Variants in MAST4 observed in about 807,000 individuals in gnomAD.
The protein encoded by MAST4 is microtubule-associated serine/threonine-protein kinase 4.
MAST4 carries 89 observed loss-of-function variants against 162.7 expected under a neutral mutation model. The ratio of observed to expected loss-of-function variants is 0.55; its 90% CI spans 0.46 to 0.65. The LOEUF (loss-of-function observed/expected upper bound fraction) is 0.65. Among genes scored for constraint, MAST4 ranks in the 30% least tolerant of loss-of-function variants. The probability of loss-of-function intolerance (pLI) is 0.00; values close to 1 mark genes in which losing one functional copy is unlikely to be tolerated. For missense variants in MAST4, 3,153 were observed against 3,374.0 expected (o/e 0.93, Z 1.62); for synonymous variants, 1,479 against 1,361.1 (o/e 1.09, Z -1.91).
intron 4 of MAST4, among the ~76,000 whole-genome samples, chr5:67,007,141 C>T (rs1026846450): frequency 3.3e-5 from 5 of 152,150 alleles, no homozygotes; most frequent in African/African-American, 9.7e-5. Context: ...GCTATTGCAT[C>T]CTGTTATTAT....
At chr5:66,770,060 T>C (rs1754292663) in intron 2 of MAST4, among the ~76,000 whole-genome samples, 1 of 152,256 alleles carries the variant, frequency 6.6e-6, no homozygotes, top group Non-Finnish European at 1.5e-5. Flanking sequence ...TAAAAAATTG[T>C]GTAGTTCATC....
intron 1 of MAST4, among the ~76,000 whole-genome samples, chr5:66,732,335 T>A (rs2149556634): frequency 6.6e-6 from 1 of 152,212 alleles, no homozygotes; most frequent in South Asian, 2.1e-4. Context: ...GCCCCATTCA[T>A]CATTTCTTCT....
At chr5:66,661,459 G>T (rs889705610) in intron 1 of MAST4, among the ~76,000 whole-genome samples, 1 of 152,176 alleles carries the variant, frequency 6.6e-6, no homozygotes, top group Non-Finnish European at 1.5e-5. Context: ...GCTACTCATA[G>T]TTACAAAGGA....
intron 5 of MAST4, among the ~76,000 whole-genome samples, chr5:67,062,269 A>G (rs1228001170): frequency 6.6e-6 from 1 of 152,078 alleles, no homozygotes. Flanking sequence ...GTGGTGGCAC[A>G]TACCTGTAGT....
chr5:66,839,374 A>G (rs975526327), intron 3 of MAST4, among the ~76,000 whole-genome samples: 6 of 152,206 alleles, frequency 3.9e-5, no homozygotes, highest in African/African-American at 9.6e-5. Context: ...GTTACCAACT[A>G]TAATAATTAA....
intron 1 of MAST4, among the ~76,000 whole-genome samples, chr5:66,722,608 G>A (rs908765318): frequency 7.9e-5 from 12 of 152,166 alleles, no homozygotes; most frequent in African/African-American, 2.9e-4. Context: ...AAAGAACAGT[G>A]CCTGGAACAT....
intron 3 of MAST4, among the ~76,000 whole-genome samples, chr5:66,859,224 A>G (rs1356315025): frequency 1.3e-5 from 2 of 152,176 alleles, no homozygotes; most frequent in African/African-American, 4.8e-5. Context: ...TGAGAATTAA[A>G]TACTGCCTCT....
chr5:66,871,675 C>T (rs572384972), intron 3 of MAST4, among the ~76,000 whole-genome samples: 1 of 152,180 alleles, frequency 6.6e-6, no homozygotes, highest in Non-Finnish European at 1.5e-5. Context: ...AGCTTTCTGG[C>T]GTTTTTAAGT....
rs565584231 is a variant in MAST4, at chr5:66,756,660, C to CA, written c.364-3043dup. On this transcript the variant is annotated intron_variant, in intron 1 of 28. Transcript: ENST00000403625. The stretch of plus-strand genomic sequence containing the variant: ...GGGATCATGAGTATTTGACTCAGGA[C>CA]AAAAAATGAAAAATAAATTGCAGGG... Among the ~76,000 whole-genome samples, 168 of 152,120 alleles carry CA rather than the reference C, an allele frequency of 1.1e-3. 1 individual carries two copies. The highest frequency in any genetic ancestry group is 3.9e-3 in the African/African-American group (160 of 41,524).
rs1773077591 is a variant in MAST4 at position 67,160,585 on chromosome 5, C to T, written c.3778C>T (p.Leu1260Phe). The change falls in exon 27 of 29, where the codon CTC (leucine) becomes TTC (phenylalanine). Residue 1260 changes from leucine (L) to phenylalanine (F), a missense_variant. Coordinates refer to ENST00000403625, the MANE Select transcript of MAST4 (RefSeq NM_001164664.2). ...RSKKSKKKES[L>F]ERRRSLFKKL... ...CAAGAAATCCAAGAAGAAAGAAAGT[C>T]TCGAAAGGTTAGTAAAATCAGTATT... The T allele has an allele frequency of 1.2e-6, 2 of 1,613,156 alleles. No homozygotes were observed. Among genetic ancestry groups the T allele is most frequent in the African/African-American group, 2.7e-5 (2 of 74,856 alleles).
At chr5:66,919,917 C>T (rs1390327554) in intron 4 of MAST4, among the ~76,000 whole-genome samples, 1 of 20,922 alleles carries the variant, frequency 4.8e-5, no homozygotes, top group East Asian at 6.7e-4. Flanking sequence ...TCCTTCCTTC[C>T]TTCCTTCCTT....
chr5:67,104,042 G>T (rs1765329410), intron 9 of MAST4, among the ~76,000 whole-genome samples: 1 of 152,128 alleles, frequency 6.6e-6, no homozygotes. Context: ...AACTTTTTAA[G>T]AACAGTTTTA....
intron 1 of MAST4, 80 bp from the exon 2 acceptor site, chr5:66,759,629 A>G: frequency 6.6e-7 from 1 of 1,516,048 alleles, no homozygotes; most frequent in South Asian, 1.3e-5. Flanking sequence ...AGAAAGGAAG[A>G]AAAAGTGTGA....
chr5:66,959,648 A>G (rs543456725), intron 4 of MAST4, among the ~76,000 whole-genome samples: 1 of 152,338 alleles, frequency 6.6e-6, no homozygotes, highest in South Asian at 2.1e-4. Context: ...CTTTTTCTAA[A>G]GAAAGGCCTC....
chr5:66,723,946 C>T (rs1269972877), intron 1 of MAST4, among the ~76,000 whole-genome samples: 1 of 152,086 alleles, frequency 6.6e-6, no homozygotes, highest in Non-Finnish European at 1.5e-5. Context: ...GCTGGACTAC[C>T]TCACTATACC....
chr5:66,802,056 T>C (rs1755948200), intron 3 of MAST4, among the ~76,000 whole-genome samples: 1 of 152,228 alleles, frequency 6.6e-6, no homozygotes, highest in African/African-American at 2.4e-5. Flanking sequence ...TCCTTAGTTT[T>C]GGGCTTTTCA....
At chr5:67,059,033 T>G (rs1759220451) in intron 5 of MAST4, among the ~76,000 whole-genome samples, 1 of 152,096 alleles carries the variant, frequency 6.6e-6, no homozygotes, top group Non-Finnish European at 1.5e-5. Context: ...AAAATCAAGG[T>G]GTTGGTTGAG....
intron 4 of MAST4, among the ~76,000 whole-genome samples, chr5:67,002,677 A>G (rs749485061): frequency 3.3e-5 from 5 of 152,160 alleles, no homozygotes; most frequent in African/African-American, 9.7e-5. Context: ...GGGCTTATGT[A>G]TGCCATCTCC....
intron 1 of MAST4, among the ~76,000 whole-genome samples, chr5:66,714,959 C>T (rs1279792428): frequency 6.6e-6 from 1 of 152,244 alleles, no homozygotes; most frequent in East Asian, 1.9e-4. Context: ...TAAGGACAGA[C>T]CTCTGGCAGA....
Sources: allele counts gnomAD v4.1 joint callset (sites outside exome capture counted in the v4.1 genomes callset), GRCh38; gene constraint gnomAD v4.1.1; transcripts MANE v1.5; gene names NCBI Gene and HGNC (gene_info 2026-07-23, HGNC 2026-07-21).